The following SYT2 variants were observed in gnomAD, a reference collection of about 807,000 sequenced individuals.
The protein encoded by SYT2 is synaptotagmin-2.
Under a neutral mutation model 39.9 loss-of-function variants are expected in SYT2, and 15 were observed. That is an observed-to-expected ratio of 0.38 (90% confidence interval 0.25 to 0.58). The LOEUF is 0.58. Among genes scored for constraint, SYT2 ranks in the 20% least tolerant of loss-of-function variants. The probability of loss-of-function intolerance (pLI) is 0.70; values close to 1 mark genes in which losing one functional copy is unlikely to be tolerated. For synonymous variants in SYT2, 181 were observed against 204.5 expected, an observed-to-expected ratio of 0.89 and a Z score of 0.98; for missense variants, 389 against 530.3, an observed-to-expected ratio of 0.73 and a Z score of 2.62.
rs1185242579 is a variant in SYT2, at chr1:202,601,574, G to A, written c.801+316C>T. On this transcript the variant is annotated intron_variant, in intron 6 of 8. Coordinates refer to ENST00000367268, the MANE Select transcript of SYT2 (RefSeq NM_177402.5). The surrounding 1 kb of genome is among the most constrained non-coding windows in gnomAD (Gnocchi z 4.0). ...ACAGAGGCGTGAATCACTGGCCTTA[G>A]GTAATAGCAGAAGCTTAGGAGTAAC... 2.6e-5 allele frequency among the ~76,000 whole-genome samples: 4 copies of A among 152,230 alleles called. No individual in the cohort carries two copies. The highest frequency in any genetic ancestry group is 5.9e-5 in the Non-Finnish European group (4 of 68,038).
intron 1 of SYT2, among the ~76,000 whole-genome samples, chr1:202,655,032 G>C (rs1407839445): frequency 1.3e-5 from 2 of 152,176 alleles, no homozygotes; most frequent in Non-Finnish European, 2.9e-5. Flanking sequence ...CCAAATGGGG[G>C]TGTCACTCAC....
Position 202,605,609 on chromosome 1 carries a change from A to G in SYT2, c.164T>C (p.Ile55Thr). ...GAGACACTCACAGGGAATCTTGTTTATCTCATTGAATAACTTCTCCTTCAG... is the reference window on the plus strand; with the variant it reads ...GAGACACTCACAGGGAATCTTGTTTGTCTCATTGAATAACTTCTCCTTCAG... Reference protein sequence around the residue: ...AKLKEKLFNEINKIPLPPWAL... With the variant: ...AKLKEKLFNETNKIPLPPWAL... Residue 55 changes from isoleucine (I) to threonine (T), a missense_variant, in exon 2 of 9, where the codon ATA (isoleucine) becomes ACA (threonine). Coordinates refer to ENST00000367268, the MANE Select transcript of SYT2 (RefSeq NM_177402.5). 1 of 1,613,852 alleles carries G rather than the reference A, an allele frequency of 6.2e-7. No individual in the cohort carries two copies. Among genetic ancestry groups the G allele is most frequent in the Non-Finnish European group, 8.5e-7 (1 of 1,179,824 alleles).
chr1:202,678,501 C>G (rs895868157), intron 1 of SYT2, among the ~76,000 whole-genome samples: 2 of 152,028 alleles, frequency 1.3e-5, no homozygotes, highest in Non-Finnish European at 2.9e-5. Context: ...TTCCAAGGCT[C>G]ACCCAGTGCC....
At chr1:202,640,779 A>AGG (rs1558443895) in intron 1 of SYT2, among the ~76,000 whole-genome samples, 11 of 145,350 alleles carry the variant, frequency 7.6e-5, no homozygotes, top group Non-Finnish European at 7.5e-5. Flanking sequence ...AGAGAGAGAG[A>AGG]GAGAGAGAGA....
At chr1:202,682,446 T>G (rs1007091281) in intron 1 of SYT2, among the ~76,000 whole-genome samples, 1 of 152,108 alleles carries the variant, frequency 6.6e-6, no homozygotes, top group Admixed American at 6.5e-5. Context: ...AGGAGGCAGA[T>G]GGACAAGAAG....
chr1:202,679,207 C>T (rs1653463994), intron 1 of SYT2, among the ~76,000 whole-genome samples: 1 of 152,112 alleles, frequency 6.6e-6, no homozygotes, highest in Non-Finnish European at 1.5e-5. Context: ...GAGGTCTCTG[C>T]CGACTCCCTT....
At chr1:202,681,364 G>A (rs991522975) in intron 1 of SYT2, among the ~76,000 whole-genome samples, 12 of 152,194 alleles carry the variant, frequency 7.9e-5, no homozygotes, top group Admixed American at 1.3e-4. Context: ...CAGCAGCTGC[G>A]GAGAATCCTC....
intron 1 of SYT2, among the ~76,000 whole-genome samples, chr1:202,615,713 C>T (rs1691013890): frequency 6.6e-6 from 1 of 152,210 alleles, no homozygotes; most frequent in African/African-American, 2.4e-5. Context: ...ATGCTGGCCT[C>T]TTGCCACCAG....
intron 1 of SYT2, among the ~76,000 whole-genome samples, chr1:202,700,410 ACAG>A (rs1346523970): frequency 3.3e-5 from 5 of 152,208 alleles, no homozygotes; most frequent in Non-Finnish European, 7.3e-5. Context: ...TTCACCTAGG[ACAG>A]CAGTTCTCAA....
Position 202,596,759 on chromosome 1 carries a change from A to C in SYT2, c.1258T>G (p.Ter420GluextTer27), listed in dbSNP as rs1690311620. The C allele has an allele frequency of 6.2e-7, 1 of 1,613,302 alleles. No individual in the cohort carries two copies. The highest frequency in any genetic ancestry group is 8.5e-7 in the Non-Finnish European group (1 of 1,179,406). Residue 420 changes from the stop codon to glutamate, a stop_lost, in exon 9 of 9, where the codon TAG (stop) becomes GAG (glutamate). Coordinates refer to ENST00000367268, the MANE Select transcript of SYT2 (RefSeq NM_177402.5). ...TGTGGGGTCCCAGCCGCTGCTGTCTACTTGTTCTTGCCCAGGAGTGCATCC... is the reference window on the plus strand; with the variant it reads ...TGTGGGGTCCCAGCCGCTGCTGTCTCCTTGTTCTTGCCCAGGAGTGCATCC... The part of the protein sequence containing the change: ...EVDALLGKNK[*>E]
At chr1:202,677,767 T>A (rs1386106205) in intron 1 of SYT2, among the ~76,000 whole-genome samples, 1 of 152,230 alleles carries the variant, frequency 6.6e-6, no homozygotes, top group Non-Finnish European at 1.5e-5. Context: ...ACTATATGAT[T>A]TATGAAATAT....
At chr1:202,658,317 G>A (rs936846623) in intron 1 of SYT2, among the ~76,000 whole-genome samples, 3 of 152,162 alleles carry the variant, frequency 2.0e-5, no homozygotes, top group Admixed American at 6.5e-5. Flanking sequence ...CCTGGATGGT[G>A]GCAATAACCA....
chr1:202,631,369 C>T (rs765719671), intron 1 of SYT2, among the ~76,000 whole-genome samples: 10 of 152,152 alleles, frequency 6.6e-5, no homozygotes, highest in Admixed American at 1.3e-4. Context: ...TAATGGTCCC[C>T]GTAAACACAG....
At chr1:202,604,740 C>A in intron 2 of SYT2, 119 bp from the exon 3 acceptor site, 7 of 929,496 alleles carry the variant, frequency 7.5e-6, no homozygotes, top group East Asian at 2.9e-5. Context: ...CCACACCCCA[C>A]ATTTTAAAAG....
At chr1:202,626,694 A>G (rs915241686) in intron 1 of SYT2, among the ~76,000 whole-genome samples, 2 of 151,988 alleles carry the variant, frequency 1.3e-5, no homozygotes, top group Admixed American at 1.3e-4. Flanking sequence ...TTTAGAACCC[A>G]GCCTTCCGAG....
chr1:202,610,025 A>G (rs1690842442), intron 1 of SYT2, among the ~76,000 whole-genome samples: 1 of 152,338 alleles, frequency 6.6e-6, no homozygotes, highest in East Asian at 1.9e-4. Flanking sequence ...TTTAGGTCTA[A>G]CATTTAAGTC....
In SYT2 at chr1:202,621,804, C is replaced by T. The variant is rs372582828; in HGVS notation, c.-17-16015G>A. Among the ~76,000 whole-genome samples, 44 of 152,336 alleles carry T rather than the reference C, an allele frequency of 2.9e-4. No homozygotes were observed. The East Asian group carries it at 6.4e-3, about 22-fold the overall frequency. Reference sequence around the variant, plus strand: ...CAGGAGACTGGAAGCCCTGCTGTCTCCTCTAGCAGGCTTCTGGGATTCCCT... The same window carrying T: ...CAGGAGACTGGAAGCCCTGCTGTCTTCTCTAGCAGGCTTCTGGGATTCCCT... On this transcript the variant is annotated intron_variant, in intron 1 of 8. Transcript: ENST00000367268.
chr1:202,603,099 G>C lies in SYT2; in HGVS notation c.365C>G (p.Thr122Arg), dbSNP rs1040495147. ...KGGQDDDDAETGLTEGEGEGE... is the reference protein window; with the variant it reads ...KGGQDDDDAERGLTEGEGEGE... Reference sequence around the variant, plus strand: ...TTCACCTTCCCCCTCAGTCAGGCCTGTCTCTGCGTCGTCGTCATCCTGTGG... The same window carrying C: ...TTCACCTTCCCCCTCAGTCAGGCCTCTCTCTGCGTCGTCGTCATCCTGTGG... The change falls in exon 4 of 9, where the codon ACA becomes AGA. Residue 122 changes from threonine to arginine, a missense_variant. This residue lies in a region of SYT2 where 280 missense variants were observed against 335.6 expected (regional missense o/e 0.83). Transcript: ENST00000367268. 2 of 1,614,000 alleles carry C rather than the reference G, an allele frequency of 1.2e-6. No homozygotes were observed. Among genetic ancestry groups the C allele is most frequent in the Non-Finnish European group, 1.7e-6 (2 of 1,180,026 alleles).
intron 1 of SYT2, among the ~76,000 whole-genome samples, chr1:202,673,772 G>A (rs1653237481): frequency 6.6e-6 from 1 of 152,162 alleles, no homozygotes; most frequent in South Asian, 2.1e-4. Flanking sequence ...AGCCTTTAAT[G>A]CATTTTCTAC....
Sources: gnomAD v4.1 joint callset for allele counts (sites outside exome capture counted in the v4.1 genomes callset) on GRCh38, gnomAD v4.1.1 for gene constraint, gnomAD v4.1.1 regional missense constraint, Gnocchi (gnomAD v3.1) non-coding constraint, MANE v1.5 for transcripts, NCBI Gene and HGNC (gene_info 2026-07-23, HGNC 2026-07-21) for gene names.